The following ATRX variants were observed in gnomAD, a reference collection of about 807,000 sequenced individuals.
The protein encoded by ATRX is ATRX chromatin remodeler, also known as chromatin remodeler ATRX.
In ATRX, 12 loss-of-function variants were observed where a neutral mutation model predicts 172.6. The observed-to-expected ratio is 0.07, with a 90% CI of 0.04 to 0.11. The LOEUF (loss-of-function observed/expected upper bound fraction) is 0.11. Among genes scored for constraint, ATRX ranks in the 10% least tolerant of loss-of-function variants. The pLI is 1.00. For missense variants in ATRX, 1,368 were observed against 1,767.4 expected (o/e 0.77, Z 4.05); for synonymous variants, 674 against 594.7 (o/e 1.13, Z -1.94).
intron 1 of ATRX, among the ~76,000 whole-genome samples, chrX:77,758,504 C>G (rs1349151994): frequency 1.8e-5 from 2 of 109,508 alleles, no homozygotes; most frequent in Non-Finnish European, 3.8e-5. Flanking sequence ...ACCTGTAATC[C>G]CAGCACTTTG....
At chrX:77,545,085 G>C (rs1303087245) in intron 30 of ATRX, among the ~76,000 whole-genome samples, 1 of 112,474 alleles carries the variant, frequency 8.9e-6, no homozygotes, top group African/African-American at 3.2e-5. Flanking sequence ...TTTCAAAAGA[G>C]TATATTCGAA....
At chrX:77,631,755 T>C (rs2068116178) in intron 19 of ATRX, among the ~76,000 whole-genome samples, 1 of 111,774 alleles carries the variant, frequency 8.9e-6, no homozygotes, top group African/African-American at 3.3e-5. Flanking sequence ...ACCAGAAGAC[T>C]GTTAGAGACA....
At chrX:77,702,321 T>C (rs186979180) in intron 2 of ATRX, among the ~76,000 whole-genome samples, 130 of 111,937 alleles carry the variant, frequency 1.2e-3, no homozygotes, top group African/African-American at 4.2e-3. Flanking sequence ...CAGGTGCCTG[T>C]AATCCCAGCT....
chrX:77,734,149 G>T (rs952566935), intron 1 of ATRX, among the ~76,000 whole-genome samples: 11 of 110,952 alleles, frequency 9.9e-5, no homozygotes, highest in Non-Finnish European at 1.9e-4. Flanking sequence ...GGAGGTTGCA[G>T]TGAGCCGAGA....
At chrX:77,768,914 G>A (rs782042735) in intron 1 of ATRX, among the ~76,000 whole-genome samples, 15 of 111,670 alleles carry the variant, frequency 1.3e-4, no homozygotes, top group Non-Finnish European at 2.6e-4. Context: ...CTGTCTGCAT[G>A]GTTAACAAAA....
chrX:77,683,782 C>T lies in ATRX; in HGVS notation c.1474G>A (p.Glu492Lys), dbSNP rs1418531949. ...TCTTTTCTATCAGATTTCTTATGTTCACCACCGGTACTTTTATTTGTTCTT... is the reference window on the plus strand; with the variant it reads ...TCTTTTCTATCAGATTTCTTATGTTTACCACCGGTACTTTTATTTGTTCTT... Reference protein sequence around the residue: ...EQRTNKSTGGEHKKSDRKEEP... With the variant: ...EQRTNKSTGGKHKKSDRKEEP... The change falls in exon 9 of 35, where the codon GAA (glutamate) becomes AAA (lysine). Residue 492 changes from glutamate to lysine, a missense_variant. Glu to Lys is a moderately conservative substitution (Grantham distance 56, BLOSUM62 1). Around this residue, in one of 17 missense-constraint regions of ATRX, gnomAD observed 843 missense variants for 643.1 expected, o/e 1.31. Transcript: ENST00000373344. 6 of 1,208,030 alleles carry T rather than the reference C, an allele frequency of 5.0e-6. No individual in the cohort carries two copies. The highest frequency in any genetic ancestry group is 2.2e-5 in the Admixed American group (1 of 45,734).
rs781852694 is a variant in ATRX, at chrX:77,754,304, T to A, written c.20+31678A>T. 2.4e-4 allele frequency among the ~76,000 whole-genome samples: 27 copies of A among 111,900 alleles called. No individual in the cohort carries two copies. The East Asian group carries it at 7.0e-3, about 29-fold the overall frequency. ...TGACTCTTTATCCAATTTGCCAGTC[T>A]GTGCCTTTTAATTGGGGCATTTAGC... is the stretch of plus-strand genomic sequence containing the variant. On this transcript the variant is annotated intron_variant, in intron 1 of 34. Coordinates refer to ENST00000373344, the MANE Select transcript of ATRX (RefSeq NM_000489.6).
At position 77,781,251 on chromosome X, in the gene ATRX, G is replaced by A. The variant is rs1022116234; in HGVS notation, c.20+4731C>T. ...AGGTCAGGAGATCGAGACCATCCTG[G>A]CCAACACGGTGAAACCCTGTCTGTA... On this transcript the variant is annotated intron_variant, in intron 1 of 34. Transcript: ENST00000373344. Among the ~76,000 whole-genome samples the A allele has an allele frequency of 3.6e-5, 4 of 110,056 alleles. No individual in the cohort carries two copies. The East Asian group carries it at 1.1e-3, about 31-fold the overall frequency.
intron 25 of ATRX, among the ~76,000 whole-genome samples, chrX:77,597,358 T>G (rs1557084447): frequency 1.8e-5 from 2 of 110,242 alleles, no homozygotes. Flanking sequence ...AATTTATGAC[T>G]AATTCCTCAA....
chrX:77,646,957 T>C (rs1557114131), intron 15 of ATRX, among the ~76,000 whole-genome samples: 2 of 105,831 alleles, frequency 1.9e-5, no homozygotes, highest in Non-Finnish European at 3.9e-5. Context: ...CTAACAGACA[T>C]ATAAAGAACA....
intron 1 of ATRX, among the ~76,000 whole-genome samples, chrX:77,780,385 G>A (rs782435827): frequency 5.8e-4 from 64 of 110,650 alleles, no homozygotes; most frequent in African/African-American, 2.1e-3. Context: ...AGGCTGCAGT[G>A]GCGCAATCTC....
At chrX:77,649,187 AAAGG>A (rs782465684) in intron 15 of ATRX, among the ~76,000 whole-genome samples, 50 of 109,952 alleles carry the variant, frequency 4.5e-4, no homozygotes, top group East Asian at 2.0e-3. Context: ...AGAAAGAAAG[AAAGG>A]AAGGAAGGAA....
At chrX:77,635,870 T>TA (rs782002250) in intron 16 of ATRX, 45 bp downstream of exon 16, 109 of 1,148,823 alleles carry the variant, frequency 9.5e-5, no homozygotes, top group Non-Finnish European at 1.2e-4. Flanking sequence ...CAAATATTGG[T>TA]AAAAATTTAA....
chrX:77,731,065 T>G (rs1433342665), intron 1 of ATRX, among the ~76,000 whole-genome samples: 1 of 99,444 alleles, frequency 1.0e-5, no homozygotes, highest in Admixed American at 1.1e-4. Context: ...AAAAGAAAAT[T>G]TAAAAACCTT....
At chrX:77,531,207 A>C (rs2063564173) in intron 30 of ATRX, among the ~76,000 whole-genome samples, 1 of 112,297 alleles carries the variant, frequency 8.9e-6, no homozygotes, top group Non-Finnish European at 1.9e-5. Flanking sequence ...CACAGGTACA[A>C]AGAGGAGCTG....
At chrX:77,765,048 T>A (rs782514315) in intron 1 of ATRX, among the ~76,000 whole-genome samples, 61 of 110,630 alleles carry the variant, frequency 5.5e-4, no homozygotes, top group Admixed American at 8.8e-4. Context: ...GTGCCTGTAA[T>A]CCCAGCTACT....
At chrX:77,540,694 A>C (rs2063944204) in intron 30 of ATRX, among the ~76,000 whole-genome samples, 1 of 112,139 alleles carries the variant, frequency 8.9e-6, no homozygotes, top group African/African-American at 3.2e-5. Flanking sequence ...ATGGAAACTG[A>C]ACAACCTCCT....
chrX:77,523,519 T>A, intron 30 of ATRX, 118 bp from the exon 31 acceptor site: 1 of 709,027 alleles, frequency 1.4e-6, no homozygotes, highest in South Asian at 2.6e-5. Context: ...TATATATTTC[T>A]GATATATATG....
At position 77,506,900 on chromosome X, in the gene ATRX, T is replaced by TC. The variant is rs1557033439; in HGVS notation, c.*1450_*1451insG. 1 of 133,265 alleles carries TC rather than the reference T, an allele frequency of 7.5e-6. No individual in the cohort carries two copies. Among genetic ancestry groups the TC allele is most frequent in the Non-Finnish European group, 1.3e-5 (1 of 74,502 alleles). 11.0% of individuals were successfully genotyped at this position (133,265 alleles called of 1,213,427 possible). On this transcript the variant is annotated 3_prime_UTR_variant, in exon 35 of 35. Transcript: ENST00000373344. ...AGCAAAGCCCAAACCCAGTTTTCTT[T>TC]TTTTTTTTTTTTTTTTTTTTTTTGG...
Sources: gnomAD v4.1 joint callset for allele counts (sites outside exome capture counted in the v4.1 genomes callset) on GRCh38, gnomAD v4.1.1 for gene constraint, gnomAD v4.1.1 regional missense constraint, MANE v1.5 for transcripts, NCBI Gene and HGNC (gene_info 2026-07-23, HGNC 2026-07-21) for gene names.